Variants in STOML1 observed in about 807,000 individuals in gnomAD.
STOML1 encodes the protein stomatin like 1.
Under a neutral mutation model 35.7 loss-of-function variants are expected in STOML1, and 27 were observed. The ratio of observed to expected loss-of-function variants is 0.76; its 90% confidence interval spans 0.56 to 1.04. The LOEUF is 1.04. Among genes scored for constraint, STOML1 ranks in the 50% least tolerant of loss-of-function variants. STOML1 has a pLI of 0.00. For synonymous variants in STOML1, 219 were observed against 227.9 expected, an observed-to-expected ratio of 0.96 and a Z score of 0.35; for missense variants, 451 against 527.1, an observed-to-expected ratio of 0.86 and a Z score of 1.41.
At chr15:73,990,302 G>C (rs768480468) in intron 2 of STOML1, 49 bp downstream of exon 2, 3 of 1,548,432 alleles carry the variant, frequency 1.9e-6, no homozygotes, top group Non-Finnish European at 2.7e-6. Context: ...CAATGCCAAA[G>C]CTCTCAGTGT....
At chr15:73,985,870 A>G (rs552109054) in intron 4 of STOML1, 1 of 251,008 alleles carries the variant, frequency 4.0e-6, no homozygotes, top group East Asian at 1.5e-4. Flanking sequence ...GGACCCTCAC[A>G]TGTCGGCTGA....
intron 4 of STOML1, 128 bp from the exon 5 acceptor site, chr15:73,985,641 G>A (rs1476063705): frequency 1.8e-6 from 2 of 1,127,420 alleles, no homozygotes. Context: ...CTCCTAGCCT[G>A]GGAACACAGG....
intron 1 of STOML1, chr15:73,991,045 C>A: frequency 4.4e-6 from 6 of 1,349,362 alleles, no homozygotes; most frequent in Non-Finnish European, 5.7e-6. Flanking sequence ...CCTTAATGAC[C>A]ATTAAAAAAT....
chr15:73,983,857 A>G lies in STOML1; in HGVS notation c.*80T>C. 1 of 1,483,350 alleles carries G rather than the reference A, an allele frequency of 6.7e-7. No homozygotes were observed. Among genetic ancestry groups the G allele is most frequent in the African/African-American group, 1.4e-5 (1 of 71,174 alleles). 91.9% of individuals were successfully genotyped at this position (1,483,350 alleles called of 1,614,324 possible). A position where few individuals can be genotyped will look rare whatever the true frequency, so the allele number is the denominator to read the frequency against. On this transcript the variant is annotated 3_prime_UTR_variant, in exon 7 of 7. Coordinates refer to ENST00000541638, the MANE Select transcript of STOML1 (RefSeq NM_004809.5). The stretch of plus-strand genomic sequence containing the variant: ...AGGGCCTCAACTCTCTGTGGTGCAG[A>G]TGAACACCTCCTCCTCCAAGAGGCC...
chr15:73,992,790 G>C (rs2069326069), upstream of STOML1, among the ~76,000 whole-genome samples: 1 of 152,180 alleles, frequency 6.6e-6, no homozygotes, highest in African/African-American at 2.4e-5. Context: ...GTCGGAGCGA[G>C]AGAGCAAGAT....
In STOML1 at chr15:73,983,121, AG is replaced by A. The variant is rs1270772628; in HGVS notation, c.*815del. 2.0e-5 allele frequency: 3 copies of A among 148,376 alleles called. No individual in the cohort carries two copies. Among genetic ancestry groups the A allele is most frequent in the African/African-American group, 7.4e-5 (3 of 40,764 alleles). The allele number at this position is 148,376 out of a possible 1,614,324, so 9.2% of individuals were successfully genotyped here. On this transcript the variant is annotated 3_prime_UTR_variant, in exon 7 of 7. Coordinates refer to ENST00000541638, the MANE Select transcript of STOML1 (RefSeq NM_004809.5). ...TGAGGGTCTGTCTGTGTCAGCCACC[AG>A]GATGTCAATCCCTGCCTGGGCTGGC...
At position 73,985,586 on chromosome 15, in the gene STOML1, T is replaced by C. The variant is rs938613201; in HGVS notation, c.595-73A>G. ...CTGAGCACCTTCTTTGGGCAGACTG[T>C]GTGGCCGTGCATGGACATGGAGGCA... On this transcript the variant is annotated intron_variant, in intron 4 of 6. Coordinates refer to ENST00000541638, the MANE Select transcript of STOML1 (RefSeq NM_004809.5). 2.0e-6 allele frequency: 3 copies of C among 1,499,698 alleles called. No individual in the cohort carries two copies. In the African/African-American group the frequency reaches 4.3e-5, roughly 21 times the overall value. 92.9% of individuals were successfully genotyped at this position (1,499,698 alleles called of 1,614,324 possible). A position where few individuals can be genotyped will look rare whatever the true frequency, so the allele number is the denominator to read the frequency against.
Position 73,985,329 on chromosome 15 carries a change from GACGGGGCACCT to G in STOML1, c.768_778del (p.Gly257ProfsTer12). ...CCAGGGCTCCTCACCTGGCCCCGGGGACGGGGCACCTCCTGCCATTGAGTTCATGCTTCCTC... is the reference window on the plus strand; with the variant it reads ...CCAGGGCTCCTCACCTGGCCCCGGGGCCTGCCATTGAGTTCATGCTTCCTC... On this transcript the variant is annotated frameshift_variant, in exon 5 of 7. Coordinates refer to ENST00000541638, the MANE Select transcript of STOML1 (RefSeq NM_004809.5). LOFTEE classifies it high-confidence loss of function. 1 of 1,533,756 alleles carries G rather than the reference GACGGGGCACCT, an allele frequency of 6.5e-7. No homozygotes were observed. Among genetic ancestry groups the G allele is most frequent in the Non-Finnish European group, 8.7e-7 (1 of 1,146,332 alleles).
intron 6 of STOML1, 131 bp downstream of exon 6, chr15:73,984,528 C>T: frequency 9.4e-7 from 1 of 1,064,968 alleles, no homozygotes; most frequent in Non-Finnish European, 1.4e-6. Flanking sequence ...GGTGTCTGAG[C>T]CCCTGCCTGC....
Position 73,989,209 on chromosome 15 carries a change from G to A in STOML1, c.289C>T (p.Arg97Cys), listed in dbSNP as rs555415174. Reference sequence around the variant, plus strand: ...ACCATGCCAGGTCCCTGGGGGGTGCGGATCCGGCCCAGGCGGAACACAATC... The same window carrying A: ...ACCATGCCAGGTCCCTGGGGGGTGCAGATCCGGCCCAGGCGGAACACAATC... ...RMIVFRLGRI[R>C]TPQGPGMVLL... The change falls in exon 3 of 7, where the codon CGC becomes TGC. Residue 97 changes from arginine (R) to cysteine (C), a missense_variant. Physicochemically the swap from Arg to Cys is radical, Grantham distance 180. Coordinates refer to ENST00000541638, the MANE Select transcript of STOML1 (RefSeq NM_004809.5). 1.7e-5 allele frequency: 28 copies of A among 1,611,104 alleles called. No individual in the cohort carries two copies. The highest frequency in any genetic ancestry group is 6.6e-5 in the South Asian group (6 of 90,692).
At chr15:73,990,478 G>T in intron 1 of STOML1, 21 bp from the exon 2 acceptor site, 1 of 1,575,352 alleles carries the variant, frequency 6.3e-7, no homozygotes, top group South Asian at 1.1e-5. Flanking sequence ...GAGCAGAGGT[G>T]GTCAACTGGA....
rs1309427781 is a variant in STOML1 at position 73,979,229 on chromosome 15, A to G, written c.*4708T>C. 1.3e-5 allele frequency: 2 copies of G among 152,200 alleles called. No homozygotes were observed. The highest frequency in any genetic ancestry group is 4.8e-5 in the African/African-American group (2 of 41,450). 9.4% of individuals were successfully genotyped at this position (152,200 alleles called of 1,614,324 possible). On this transcript the variant is annotated 3_prime_UTR_variant, in exon 7 of 7. Transcript: ENST00000541638. The stretch of plus-strand genomic sequence containing the variant: ...TCAAAGCTGGAGGTGGCAAGCACTG[A>G]CGGGAAGTGACGTGGAGAACTTTGT...
At chr15:73,987,266 A>C (rs988007334) in intron 4 of STOML1, 1 of 152,550 alleles carries the variant, frequency 6.6e-6, no homozygotes, top group African/African-American at 2.4e-5. Flanking sequence ...CTAGAAGAAA[A>C]TCAGGCAAAA....
Position 73,984,033 on chromosome 15 carries a change from C to T in STOML1, c.1101G>A (p.Leu367=). 6.2e-7 allele frequency: 1 copy of T among 1,614,074 alleles called. No individual in the cohort carries two copies. Among genetic ancestry groups the T allele is most frequent in the Non-Finnish European group, 8.5e-7 (1 of 1,180,036 alleles). The change falls in exon 7 of 7, where the codon CTG becomes CTA. Residue 367 remains leucine, a synonymous_variant. Coordinates refer to ENST00000541638, the MANE Select transcript of STOML1 (RefSeq NM_004809.5). ...ADLRALLCRE[L]RPLGAYMSGR... ...CACTCATGTAGGCCCCCAGGGGCCG[C>T]AGCTCTCTGCATAGCAGGGCCCGCA...
At chr15:73,994,572 C>T, upstream of STOML1, 4 of 589,994 alleles carry the variant, frequency 6.8e-6, no homozygotes, top group Non-Finnish European at 6.2e-6. Flanking sequence ...GGTAGGTCTG[C>T]AGCTCTCCGC....
intron 1 of STOML1, chr15:73,991,511 T>G (rs1253675427): frequency 2.2e-6 from 1 of 448,952 alleles, no homozygotes; most frequent in Non-Finnish European, 4.5e-6. Flanking sequence ...AGGGATCAAA[T>G]CCAAGGTTAG....
In STOML1 at chr15:73,985,750, C is replaced by T. The variant is rs149248298; in HGVS notation, c.595-237G>A. The T allele has an allele frequency of 3.4e-3, 1,711 of 499,028 alleles. 61 individuals are homozygous for T. In the Admixed American group the frequency reaches 0.064, roughly 19 times the overall value. 30.9% of individuals were successfully genotyped at this position (499,028 alleles called of 1,614,324 possible). ...GAGGGTGGTGCCAGCAGGAGGGAGT[C>T]CTCAGGTGGAGGAGGACCCTTCCAG... On this transcript the variant is annotated intron_variant, in intron 4 of 6. Transcript: ENST00000541638.
At chr15:73,991,013 T>C (rs2069257358) in intron 1 of STOML1, 1 of 1,405,318 alleles carries the variant, frequency 7.1e-7, no homozygotes, top group African/African-American at 1.4e-5. Flanking sequence ...TATTATTTTC[T>C]ATTCCACACC....
chr15:73,989,050 C>T, intron 3 of STOML1, 58 bp downstream of exon 3: 2 of 1,527,170 alleles, frequency 1.3e-6, no homozygotes, highest in Non-Finnish European at 1.8e-6. Context: ...CCTGGCACCA[C>T]AGTACATTCT....
Sources: allele counts gnomAD v4.1 joint callset (sites outside exome capture counted in the v4.1 genomes callset), GRCh38; gene constraint gnomAD v4.1.1; transcripts MANE v1.5; gene names NCBI Gene and HGNC (gene_info 2026-07-23, HGNC 2026-07-21).